Variants in SLIT2 observed in about 807,000 individuals in gnomAD.
SLIT2 encodes slit guidance ligand 2.
A neutral mutation model predicts 185.7 loss-of-function variants in SLIT2; 41 were observed. That is an observed-to-expected ratio of 0.22 (90% CI 0.17 to 0.29). The LOEUF is 0.29. Among genes scored for constraint, SLIT2 ranks in the 10% least tolerant of loss-of-function variants. SLIT2 has a pLI of 1.00. For missense variants in SLIT2, 1,571 were observed against 1,909.0 expected, an observed-to-expected ratio of 0.82 and a Z score of 3.30; for synonymous variants, 693 against 680.2, an observed-to-expected ratio of 1.02 and a Z score of -0.29.
intron 4 of SLIT2, among the ~76,000 whole-genome samples, chr4:20,387,412 AC>A (rs1290794493): frequency 6.7e-6 from 1 of 150,252 alleles, no homozygotes; most frequent in Non-Finnish European, 1.5e-5. Context: ...TCAAAAAAAA[AC>A]AGTGAAAAGA....
At chr4:20,432,019 G>A (rs1729031155) in intron 4 of SLIT2, among the ~76,000 whole-genome samples, 1 of 150,296 alleles carries the variant, frequency 6.7e-6, no homozygotes, top group African/African-American at 2.5e-5. Context: ...GTGTGTGCTT[G>A]TGTGTGTGAG....
At position 20,620,154 on chromosome 4, in the gene SLIT2, G is replaced by T. The variant is rs1729974101; in HGVS notation, c.*1145G>T. ...CATGTCCTCACAGAAACGAAATGGT[G>T]TGTAGCAATCAACACTAGAAAGTAG... On this transcript the variant is annotated 3_prime_UTR_variant, in exon 37 of 37. Transcript: ENST00000504154. 3.6e-6 allele frequency: 1 copy of T among 281,246 alleles called. No individual in the cohort carries two copies. Among genetic ancestry groups the T allele is most frequent in the Admixed American group, 5.0e-5 (1 of 19,812 alleles). The allele number at this position is 281,246 out of a possible 1,614,324, so 17.4% of individuals were successfully genotyped here.
chr4:20,495,669 A>G (rs1038180688), intron 9 of SLIT2, among the ~76,000 whole-genome samples: 7 of 152,268 alleles, frequency 4.6e-5, no homozygotes, highest in African/African-American at 1.4e-4. Context: ...AGGTAAAGCT[A>G]CAATAAATTA....
intron 26 of SLIT2, among the ~76,000 whole-genome samples, chr4:20,562,213 T>TA (rs2096303610): frequency 1.3e-5 from 2 of 151,882 alleles, no homozygotes. Context: ...GGCTTCTTTT[T>TA]ACTTATCTTT....
In SLIT2 at chr4:20,568,910, CGTT is replaced by C; in HGVS notation, c.2996_2998del (p.Val999del). On this transcript the variant is annotated inframe_deletion, in exon 29 of 37. Coordinates refer to ENST00000504154, the MANE Select transcript of SLIT2 (RefSeq NM_004787.4). The stretch of plus-strand genomic sequence containing the variant: ...TTGAAGGAGAAAATTGTGAAGTCAA[CGTT>C]GATGATTGTGAAGATAATGACTGTG... The C allele has an allele frequency of 1.2e-6, 2 of 1,611,994 alleles. No individual in the cohort carries two copies. The highest frequency in any genetic ancestry group is 1.1e-5 in the South Asian group (1 of 91,010).
chr4:20,595,860 A>G (rs776157643), intron 31 of SLIT2, 26 bp downstream of exon 31: 24 of 1,602,846 alleles, frequency 1.5e-5, no homozygotes, highest in Middle Eastern at 3.3e-4. Context: ...AATAAGACCT[A>G]GTGTTCAATA....
rs1218743883 is a variant in SLIT2 at position 20,252,071 on chromosome 4, C to T, written c.-1745C>T. 2.0e-5 allele frequency among the ~76,000 whole-genome samples: 3 copies of T among 152,026 alleles called. No homozygotes were observed. The highest frequency in any genetic ancestry group is 6.5e-5 in the Admixed American group (1 of 15,278). ...AGCGCCGAAGCGCCCAGGCGCAGGC[C>T]GAAGCTGCCGCGCTTTCTGGGCACG... On this transcript the variant is annotated 5_prime_UTR_variant, in exon 1 of 37. An upstream open reading frame in the 5' UTR gains an earlier in-frame stop. Coordinates refer to ENST00000504154, the MANE Select transcript of SLIT2 (RefSeq NM_004787.4).
chr4:20,455,546 A>C (rs1259306201), intron 4 of SLIT2, among the ~76,000 whole-genome samples: 6 of 152,184 alleles, frequency 3.9e-5, no homozygotes, highest in African/African-American at 1.4e-4. Flanking sequence ...TGCTGCATTC[A>C]TCAGCCAAGA....
intron 4 of SLIT2, among the ~76,000 whole-genome samples, chr4:20,433,183 G>A (rs1355063164): frequency 6.6e-6 from 1 of 152,194 alleles, no homozygotes; most frequent in Non-Finnish European, 1.5e-5. Context: ...GAAGCTGTTA[G>A]AATGCCTTTG....
At chr4:20,614,607 G>A (rs1729500928) in intron 34 of SLIT2, among the ~76,000 whole-genome samples, 1 of 151,778 alleles carries the variant, frequency 6.6e-6, no homozygotes, top group Admixed American at 6.6e-5. Flanking sequence ...GAGAAACCTG[G>A]TCTCTACTAA....
intron 4 of SLIT2, among the ~76,000 whole-genome samples, chr4:20,338,395 T>A (rs4235282): frequency 0.87 from 132,109 of 152,180 alleles, 57,526 homozygotes; most frequent in African/African-American, 0.92. Flanking sequence ...AGACAATCTG[T>A]CCCTAAAAGA....
chr4:20,472,398 A>AGATATAGATATC (rs1715366561), intron 5 of SLIT2, among the ~76,000 whole-genome samples: 3 of 54,354 alleles, frequency 5.5e-5, no homozygotes, highest in South Asian at 7.1e-4. Context: ...AGATATATAG[A>AGATATAGATATC]TATAGATATC....
At chr4:20,485,842 T>C (rs1717177282) in intron 6 of SLIT2, among the ~76,000 whole-genome samples, 1 of 152,224 alleles carries the variant, frequency 6.6e-6, no homozygotes, top group Admixed American at 6.5e-5. Flanking sequence ...AATGCCACTC[T>C]ACGGAAATGT....
chr4:20,578,908 G>C (rs978976889), intron 29 of SLIT2, among the ~76,000 whole-genome samples: 2 of 152,022 alleles, frequency 1.3e-5, no homozygotes, highest in African/African-American at 4.8e-5. Flanking sequence ...TGATAAGCAG[G>C]CTTCCACCTT....
chr4:20,504,104 TC>T (rs1718985550), intron 9 of SLIT2, among the ~76,000 whole-genome samples: 2 of 152,158 alleles, frequency 1.3e-5, no homozygotes, highest in African/African-American at 4.8e-5. Context: ...GAAGTAGCAT[TC>T]CAAAAATAGA....
intron 33 of SLIT2, among the ~76,000 whole-genome samples, chr4:20,600,793 G>A (rs1169536090): frequency 1.3e-5 from 2 of 151,810 alleles, no homozygotes; most frequent in Non-Finnish European, 2.9e-5. Context: ...TTTGGCTTAT[G>A]ACCAAAAAAA....
intron 4 of SLIT2, among the ~76,000 whole-genome samples, chr4:20,397,457 A>T (rs73238791): frequency 6.6e-6 from 1 of 151,778 alleles, no homozygotes; most frequent in Non-Finnish European, 1.5e-5. Flanking sequence ...ATTATCTACT[A>T]GTTTGTTCTG....
chr4:20,265,367 A>T (rs1348001077), intron 3 of SLIT2, among the ~76,000 whole-genome samples: 2 of 151,954 alleles, frequency 1.3e-5, no homozygotes, highest in African/African-American at 4.8e-5. Context: ...TAATGTTTGT[A>T]TAACCATTTA....
chr4:20,350,370 T>C (rs1721771676), intron 4 of SLIT2, among the ~76,000 whole-genome samples: 1 of 152,094 alleles, frequency 6.6e-6, no homozygotes. Flanking sequence ...ACCAGTAGAT[T>C]TCCCAAAGCA....
Sources: allele counts gnomAD v4.1 joint callset (sites outside exome capture counted in the v4.1 genomes callset), GRCh38; gene constraint gnomAD v4.1.1; transcripts MANE v1.5; gene names NCBI Gene and HGNC (gene_info 2026-07-23, HGNC 2026-07-21).